The following POLD2 variants were observed in gnomAD, a reference collection of about 807,000 sequenced individuals.
POLD2 encodes the protein DNA polymerase delta 2, accessory subunit.
Under a neutral mutation model 48.8 loss-of-function variants are expected in POLD2, and 31 were observed. That is an observed-to-expected ratio of 0.64 (90% CI 0.48 to 0.86). POLD2 has a LOEUF of 0.86. POLD2 is among the 40% of genes least tolerant of loss of function. The pLI is 0.00. For missense variants in POLD2, 455 were observed against 610.1 expected (o/e 0.75, Z 2.68); for synonymous variants, 233 against 256.3 (o/e 0.91, Z 0.87).
At chr7:44,124,051 G>T (rs189515796), upstream of POLD2, among the ~76,000 whole-genome samples, 1 of 152,336 alleles carries the variant, frequency 6.6e-6, no homozygotes, top group Non-Finnish European at 1.5e-5. Flanking sequence ...TTCCTGAAGG[G>T]ATGGCGCGGG....
chr7:44,118,595 C>G (rs1021837559), intron 2 of POLD2, among the ~76,000 whole-genome samples: 7 of 152,184 alleles, frequency 4.6e-5, no homozygotes, highest in African/African-American at 1.7e-4. Context: ...TCACTGCAAG[C>G]TCCGCCTCCC....
intron 4 of POLD2, 175 bp downstream of exon 4, chr7:44,117,444 T>A (rs900055264): frequency 1.2e-5 from 10 of 821,658 alleles, no homozygotes; most frequent in Non-Finnish European, 1.7e-5. Context: ...CAGCCAGGTC[T>A]CACCCAATCT....
chr7:44,119,185 C>A (rs898539371), intron 2 of POLD2, among the ~76,000 whole-genome samples: 24 of 152,178 alleles, frequency 1.6e-4, no homozygotes, highest in Admixed American at 1.3e-3. Flanking sequence ...TAGGTATGAA[C>A]AAGAACACAT....
chr7:44,117,317 G>A (rs929061966), intron 4 of POLD2, 70 bp from the exon 5 acceptor site: 43 of 1,155,476 alleles, frequency 3.7e-5, no homozygotes, highest in Non-Finnish European at 4.2e-5. Context: ...TCACCCCAAC[G>A]GGCAAAACAA....
intron 4 of POLD2, 118 bp downstream of exon 4, chr7:44,117,501 A>C (rs564772980): frequency 1.6e-6 from 2 of 1,269,954 alleles, no homozygotes; most frequent in African/African-American, 3.0e-5. Context: ...TCAAGAACAC[A>C]CGTGTGCCCA....
In POLD2 at chr7:44,115,860, G is replaced by A; in HGVS notation, c.1053C>T (p.Asp351=). The A allele has an allele frequency of 6.2e-7, 1 of 1,614,196 alleles. No individual in the cohort carries two copies. The change falls in exon 9 of 11, where the codon GAC becomes GAT. Residue 351 remains aspartate, a synonymous_variant. Transcript: ENST00000610533. Reference sequence around the variant, plus strand: ...CCTCCATGCTGCTGTATCGGAAAATGTCACTCACGTTCTGTCCTGATGTCC... The same window carrying A: ...CCTCCATGCTGCTGTATCGGAAAATATCACTCACGTTCTGTCCTGATGTCC... ...FLGTSGQNVS[D]IFRYSSMEDH...
Position 44,114,814 on chromosome 7 carries a change from C to G in POLD2, c.1381G>C (p.Asp461His). ...GGGCCCAGCCCCAGGCCTCCCAGGT[C>G]ATCGTCCTCTGCCCCGAAGCCCGAG... ...SFSGFGAEDDDLGGLGLGP is the reference protein window; with the variant it reads ...SFSGFGAEDDHLGGLGLGP Residue 461 changes from aspartate (D) to histidine (H), a missense_variant, in exon 11 of 11, where the codon GAC becomes CAC. By Grantham distance (81) the Asp-to-His change is moderately conservative (BLOSUM62 -1). Coordinates refer to ENST00000610533, the MANE Select transcript of POLD2 (RefSeq NM_006230.4). The G allele has an allele frequency of 6.2e-7, 1 of 1,613,100 alleles. No individual in the cohort carries two copies. Among genetic ancestry groups the G allele is most frequent in the South Asian group, 1.1e-5 (1 of 91,026 alleles).
At chr7:44,120,356 A>G (rs768997715) in intron 2 of POLD2, among the ~76,000 whole-genome samples, 1 of 152,164 alleles carries the variant, frequency 6.6e-6, no homozygotes, top group Non-Finnish European at 1.5e-5. Flanking sequence ...TGGCATTGAC[A>G]TTGGGCCCAA....
upstream of POLD2, among the ~76,000 whole-genome samples, chr7:44,123,910 T>A (rs2096252315): frequency 2.0e-5 from 3 of 152,198 alleles, no homozygotes; most frequent in South Asian, 6.2e-4. Flanking sequence ...GCCGCCAGCC[T>A]CCTTGGTGAA....
At chr7:44,117,918 C>T (rs768664124) in intron 3 of POLD2, 25 bp downstream of exon 3, 1 of 1,610,896 alleles carries the variant, frequency 6.2e-7, no homozygotes, top group Non-Finnish European at 8.5e-7. Context: ...GCCTGGCGGC[C>T]CCACTGTGTA....
At chr7:44,115,240 C>T in intron 10 of POLD2, 55 bp downstream of exon 10, 1 of 1,176,036 alleles carries the variant, frequency 8.5e-7, no homozygotes, top group Non-Finnish European at 1.3e-6. Context: ...GAACCTTGTC[C>T]CCAGGTGAGA....
At position 44,116,576 on chromosome 7, in the gene POLD2, C is replaced by G. The variant is rs2096239967; in HGVS notation, c.781-66G>C. On this transcript the variant is annotated intron_variant, in intron 6 of 10. Transcript: ENST00000610533. The surrounding 1 kb of genome is among the most constrained non-coding windows in gnomAD (Gnocchi z 6.1). ...CCCAGGCTCAGAGGAGAGTAGAGCC[C>G]CACCAGCTGGAAGATGCAGTTGTTG... 1 of 1,295,974 alleles carries G rather than the reference C, an allele frequency of 7.7e-7. No homozygotes were observed. Among genetic ancestry groups the G allele is most frequent in the Non-Finnish European group, 1.1e-6 (1 of 916,856 alleles). The allele number at this position is 1,295,974 out of a possible 1,614,324, so 80.3% of individuals were successfully genotyped here.
chr7:44,121,735 G>T lies in POLD2; in HGVS notation c.220+99C>A, dbSNP rs2096248395. ...GAGGTTAATTTTCCCAAGGTAACAG[G>T]AAGTGGGATCAATTAGATAAACTGT... On this transcript the variant is annotated intron_variant, in intron 2 of 10. Coordinates refer to ENST00000610533, the MANE Select transcript of POLD2 (RefSeq NM_006230.4). The surrounding 1 kb of genome is among the most constrained non-coding windows in gnomAD (Gnocchi z 4.5). 8.6e-7 allele frequency: 1 copy of T among 1,161,738 alleles called. No homozygotes were observed. The allele number at this position is 1,161,738 out of a possible 1,614,324, so 72.0% of individuals were successfully genotyped here.
chr7:44,117,675 T>C lies in POLD2; in HGVS notation c.410A>G (p.Asp137Gly). 1 of 1,612,066 alleles carries C rather than the reference T, an allele frequency of 6.2e-7. No homozygotes were observed. The highest frequency in any genetic ancestry group is 1.1e-5 in the South Asian group (1 of 90,464). ...TTTTAGTTTGATACGCTGCAGTTCA[T>C]CTTCCAAGACCAGCTCGTCATCTGG... ...IHPDDELVLE[D>G]ELQRIKLKGT... is the part of the protein sequence containing the mutation. Residue 137 changes from aspartate (D) to glycine (G), a missense_variant, in exon 4 of 11, where the codon GAT (aspartate) becomes GGT (glycine). Coordinates refer to ENST00000610533, the MANE Select transcript of POLD2 (RefSeq NM_006230.4).
At position 44,117,717 on chromosome 7, in the gene POLD2, C is replaced by T. The variant is rs151209101; in HGVS notation, c.368G>A (p.Arg123Gln). Residue 123 changes from arginine (R) to glutamine (Q), a missense_variant, in exon 4 of 11, where the codon CGG becomes CAG. Physicochemically the swap from Arg to Gln is conservative, Grantham distance 43. Around this residue, in one of 3 missense-constraint regions of POLD2, gnomAD observed 349 missense variants for 437.4 expected, o/e 0.80. Transcript: ENST00000610533. ...EEHNLLPQPPRSKYIHPDDEL... is the reference protein window; with the variant it reads ...EEHNLLPQPPQSKYIHPDDEL... ...GTCATCTGGGTGTATGTATTTACTC[C>T]GAGGAGGCTGGGGGAGCAGGTTGTG... 2.2e-5 allele frequency: 35 copies of T among 1,613,466 alleles called. No individual in the cohort carries two copies. Among genetic ancestry groups the T allele is most frequent in the Admixed American group, 1.2e-4 (7 of 59,902 alleles).
intron 1 of POLD2, 23 bp from the exon 2 acceptor site, chr7:44,122,132 C>A: frequency 6.5e-7 from 1 of 1,539,408 alleles, no homozygotes; most frequent in Non-Finnish European, 8.8e-7. Context: ...AAAGGCATTC[C>A]TGCTGCCCCT....
In POLD2 at chr7:44,116,819, T is replaced by C; in HGVS notation, c.778A>G (p.Lys260Glu). 6.2e-7 allele frequency: 1 copy of C among 1,613,588 alleles called. No individual in the cohort carries two copies. Among genetic ancestry groups the C allele is most frequent in the Non-Finnish European group, 8.5e-7 (1 of 1,179,956 alleles). The change falls in exon 6 of 11, where the codon AAG becomes GAG. Residue 260 changes from lysine to glutamate, a missense_variant and splice_region_variant. Physicochemically the swap from Lys to Glu is moderately conservative, Grantham distance 56. Around this residue, in one of 3 missense-constraint regions of POLD2, gnomAD observed 349 missense variants for 437.4 expected, o/e 0.80. Coordinates refer to ENST00000610533, the MANE Select transcript of POLD2 (RefSeq NM_006230.4). The surrounding 1 kb of genome is among the most constrained non-coding windows in gnomAD (Gnocchi z 6.1). ...HSTQSRDSIN[K>E]AKYLTKKTQA... Reference sequence around the variant, plus strand: ...ATGCAGCCAGGTGGGCTCCATACCTTATTGATAGAATCCCTGCTCTGGGTG... The same window carrying C: ...ATGCAGCCAGGTGGGCTCCATACCTCATTGATAGAATCCCTGCTCTGGGTG...
At chr7:44,118,763 C>T (rs998207308) in intron 2 of POLD2, among the ~76,000 whole-genome samples, 1 of 152,012 alleles carries the variant, frequency 6.6e-6, no homozygotes, top group Non-Finnish European at 1.5e-5. Flanking sequence ...TTGTGATCTG[C>T]CCGCCTCGGC....
intron 2 of POLD2, among the ~76,000 whole-genome samples, chr7:44,119,311 G>A (rs1263816632): frequency 1.3e-5 from 2 of 152,144 alleles, no homozygotes; most frequent in Non-Finnish European, 2.9e-5. Context: ...CCAAGGAGGT[G>A]ACAGGACAAC....
Sources: allele counts gnomAD v4.1 joint callset (sites outside exome capture counted in the v4.1 genomes callset), GRCh38; gene constraint gnomAD v4.1.1; regional missense constraint gnomAD v4.1.1; non-coding constraint Gnocchi (gnomAD v3.1); transcripts MANE v1.5; gene names NCBI Gene and HGNC (gene_info 2026-07-23, HGNC 2026-07-21).